Variants in TIAM2 observed in about 807,000 individuals in gnomAD.
The protein encoded by TIAM2 is TIAM Rac1 associated GEF 2, also known as rho guanine nucleotide exchange factor TIAM2.
TIAM2 carries 80 observed loss-of-function variants against 152.9 expected under a neutral mutation model. That is an observed-to-expected ratio of 0.52 (90% CI 0.44 to 0.63). The LOEUF (loss-of-function observed/expected upper bound fraction) is 0.63, where lower values mean the gene tolerates loss of function less well. Ranked by LOEUF, TIAM2 falls within the 30% of genes least tolerant of loss-of-function variation. The pLI is 0.00. For synonymous variants in TIAM2, 804 were observed against 838.0 expected, an observed-to-expected ratio of 0.96 and a Z score of 0.70; for missense variants, 1,965 against 2,120.1, an observed-to-expected ratio of 0.93 and a Z score of 1.44.
At chr6:155,093,081 A>G (rs1778339607) in intron 2 of TIAM2, among the ~76,000 whole-genome samples, 3 of 152,222 alleles carry the variant, frequency 2.0e-5, no homozygotes. Context: ...GTGTATAACA[A>G]TATAGTTGTC....
chr6:155,047,665 GAGGA>G (rs1211561312), intron 1 of TIAM2, among the ~76,000 whole-genome samples: 5 of 77,714 alleles, frequency 6.4e-5, no homozygotes, highest in Non-Finnish European at 9.0e-5. Flanking sequence ...GAGAGAGAGA[GAGGA>G]GAGAGAGAGA....
At chr6:155,023,774 C>A (rs538605444) in intron 1 of TIAM2, among the ~76,000 whole-genome samples, 75 of 152,232 alleles carry the variant, frequency 4.9e-4, no homozygotes, top group African/African-American at 1.8e-3. Flanking sequence ...ATATAGAAGT[C>A]CTAATTGAAA....
intron 5 of TIAM2, among the ~76,000 whole-genome samples, chr6:155,141,060 G>A (rs1305197451): frequency 6.6e-6 from 1 of 152,140 alleles, no homozygotes; most frequent in East Asian, 1.9e-4. Context: ...GTAGTGATGG[G>A]CCTGAGTTGT....
intron 1 of TIAM2, among the ~76,000 whole-genome samples, chr6:155,015,859 C>A (rs1778566454): frequency 1.3e-5 from 2 of 149,822 alleles, no homozygotes; most frequent in African/African-American, 2.5e-5. Context: ...ATCTCTTGAA[C>A]CCAGGAGGCG....
chr6:155,169,950 C>T (rs542830762), intron 9 of TIAM2, among the ~76,000 whole-genome samples: 1 of 152,224 alleles, frequency 6.6e-6, no homozygotes, highest in South Asian at 2.1e-4. Flanking sequence ...TCCTGAGTAG[C>T]TGGGATTACA....
At chr6:155,114,036 A>ATATATATATTTTTTTTTTTTT in intron 2 of TIAM2, among the ~76,000 whole-genome samples, 2 of 34,906 alleles carry the variant, frequency 5.7e-5, no homozygotes, top group East Asian at 7.1e-4. Context: ...ATATATATAT[A>ATATATATATTTTTTTTTTTTT]TTTTTTTTTT....
At position 155,172,641 on chromosome 6, in the gene TIAM2, AATATATATATATATAT is replaced by A. The variant is rs71023629; in HGVS notation, c.2362-4144_2362-4129del. On this transcript the variant is annotated intron_variant, in intron 9 of 26. Coordinates refer to ENST00000682666, the MANE Select transcript of TIAM2 (RefSeq NM_012454.4). ...GGAAACCTTGAAGAGGCTAGTTGGA[AATATATATATATATAT>A]ATATATATATATATATATATATATA... Among the ~76,000 whole-genome samples the A allele has an allele frequency of 8.2e-3, 322 of 39,264 alleles. 2 individuals are homozygous for A. The highest frequency in any genetic ancestry group is 0.012 in the South Asian group (6 of 510). The allele number at this position is 39,264 out of a possible 152,430, so 25.8% of individuals were successfully genotyped here.
intron 4 of TIAM2, among the ~76,000 whole-genome samples, chr6:155,136,329 C>A (rs894797361): frequency 6.6e-6 from 1 of 151,670 alleles, no homozygotes; most frequent in Non-Finnish European, 1.5e-5. Context: ...GGCTAGAGTG[C>A]AATGGCCTGA....
chr6:155,205,947 C>T (rs1460230821), intron 14 of TIAM2, among the ~76,000 whole-genome samples: 1 of 152,186 alleles, frequency 6.6e-6, no homozygotes, highest in Non-Finnish European at 1.5e-5. Flanking sequence ...GGTGAGACAA[C>T]CTTAACTTCA....
intron 14 of TIAM2, among the ~76,000 whole-genome samples, chr6:155,190,747 G>A (rs1174752267): frequency 6.6e-6 from 1 of 152,140 alleles, no homozygotes; most frequent in Non-Finnish European, 1.5e-5. Flanking sequence ...TCCTATGAAG[G>A]TAGAGTGAGC....
chr6:155,128,474 T>G (rs967860066), intron 3 of TIAM2, among the ~76,000 whole-genome samples: 1 of 152,128 alleles, frequency 6.6e-6, no homozygotes, highest in Non-Finnish European at 1.5e-5. Context: ...ACCAGTAGTT[T>G]ATGTATAATG....
chr6:155,027,534 T>C lies in TIAM2; in HGVS notation c.-209+32042T>C, dbSNP rs866691508. Among the ~76,000 whole-genome samples, 42 of 100,400 alleles carry C rather than the reference T, an allele frequency of 4.2e-4. 5 individuals are homozygous for C. In the South Asian group the frequency reaches 0.014, roughly 33 times the overall value. The allele number at this position is 100,400 out of a possible 152,430, so 65.9% of individuals were successfully genotyped here. ...TATATATACTGTGTTACATATACTA[T>C]ATATAATATATATACTGTGTTACAT... On this transcript the variant is annotated intron_variant, in intron 1 of 26. Coordinates refer to ENST00000682666, the MANE Select transcript of TIAM2 (RefSeq NM_012454.4).
chr6:155,188,892 T>G (rs1480361018), intron 14 of TIAM2, among the ~76,000 whole-genome samples: 1 of 152,216 alleles, frequency 6.6e-6, no homozygotes, highest in Admixed American at 6.5e-5. Context: ...AAAAGACCTA[T>G]GTTCCTCCTT....
At chr6:155,160,908 T>C (rs532292626) in intron 7 of TIAM2, among the ~76,000 whole-genome samples, 12 of 152,360 alleles carry the variant, frequency 7.9e-5, no homozygotes, top group Admixed American at 1.3e-4. Context: ...AAATGAACTT[T>C]ACAGTGTACA....
intron 15 of TIAM2, among the ~76,000 whole-genome samples, chr6:155,236,357 G>GT (rs34759603): frequency 0.012 from 1,870 of 151,938 alleles, 33 homozygotes; most frequent in Non-Finnish European, 0.015. Context: ...ACCTGGGGGA[G>GT]TTTTTTTAAG....
At chr6:155,120,459 T>TTAGAAA (rs2115022354) in intron 2 of TIAM2, among the ~76,000 whole-genome samples, 1 of 152,324 alleles carries the variant, frequency 6.6e-6, no homozygotes, top group South Asian at 2.1e-4. Flanking sequence ...CTTCTTGTGA[T>TTAGAAA]TAGAAATGAG....
intron 7 of TIAM2, among the ~76,000 whole-genome samples, chr6:155,161,166 T>C (rs1780258444): frequency 6.6e-6 from 1 of 152,152 alleles, no homozygotes. Context: ...TATGATTCCC[T>C]GTGTATCCCT....
chr6:155,004,088 G>A (rs1472749125), intron 1 of TIAM2, among the ~76,000 whole-genome samples: 1 of 152,234 alleles, frequency 6.6e-6, no homozygotes, highest in African/African-American at 2.4e-5. Flanking sequence ...TGTTGGCCAG[G>A]CTGTCCTGAA....
intron 2 of TIAM2, among the ~76,000 whole-genome samples, chr6:155,101,753 C>T (rs552571520): frequency 1.3e-5 from 2 of 152,250 alleles, no homozygotes; most frequent in East Asian, 3.9e-4. Flanking sequence ...CTCTGTTGCC[C>T]AGGCTGGAGT....
Sources: allele counts gnomAD v4.1 joint callset (sites outside exome capture counted in the v4.1 genomes callset), GRCh38; gene constraint gnomAD v4.1.1; transcripts MANE v1.5; gene names NCBI Gene and HGNC (gene_info 2026-07-23, HGNC 2026-07-21).